PRKG1: variants seen among roughly 807,000 people sequenced by gnomAD.
PRKG1 encodes the protein cGMP-dependent protein kinase 1.
In PRKG1, 35 loss-of-function variants were observed where a neutral mutation model predicts 88.1. The observed-to-expected ratio is 0.40, with a 90% confidence interval of 0.30 to 0.53. The LOEUF (loss-of-function observed/expected upper bound fraction) is 0.53, where lower values mean the gene tolerates loss of function less well. Among genes scored for constraint, PRKG1 ranks in the 20% least tolerant of loss-of-function variants. The probability of loss-of-function intolerance (pLI) is 0.59; values close to 1 mark genes in which losing one functional copy is unlikely to be tolerated. For synonymous variants in PRKG1, 303 were observed against 292.5 expected (o/e 1.04, Z -0.37); for missense variants, 540 against 839.8 (o/e 0.64, Z 4.41).
intron 3 of PRKG1, among the ~76,000 whole-genome samples, chr10:51,495,319 G>T (rs376233953): frequency 5.3e-5 from 8 of 152,058 alleles, no homozygotes; most frequent in Non-Finnish European, 1.2e-4. Flanking sequence ...GGTCTTAGAC[G>T]CCTGACCTCA....
At chr10:51,607,658 C>T (rs1400609751) in intron 3 of PRKG1, among the ~76,000 whole-genome samples, 3 of 152,172 alleles carry the variant, frequency 2.0e-5, no homozygotes, top group Non-Finnish European at 4.4e-5. Context: ...AGTTGGATCC[C>T]TCCCCGCTGC....
intron 3 of PRKG1, among the ~76,000 whole-genome samples, chr10:51,637,057 T>C (rs1012254658): frequency 6.6e-6 from 1 of 152,122 alleles, no homozygotes; most frequent in Non-Finnish European, 1.5e-5. Context: ...TCTAAAAACC[T>C]TCTCCATAAA....
At chr10:51,773,623 A>T (rs2132549680) in intron 3 of PRKG1, among the ~76,000 whole-genome samples, 1 of 152,242 alleles carries the variant, frequency 6.6e-6, no homozygotes, top group Admixed American at 6.5e-5. Flanking sequence ...TATAAAATTT[A>T]GCCTCTTAAA....
At chr10:51,160,874 T>TTGTGTGTGTG (rs781290669) in intron 2 of PRKG1, among the ~76,000 whole-genome samples, 13 of 100,268 alleles carry the variant, frequency 1.3e-4, no homozygotes, top group Admixed American at 3.9e-4. Flanking sequence ...TTCTTCATGC[T>TTGTGTGTGTG]CGTGTGTGTG....
chr10:50,996,891 A>T (rs1842841700), intron 1 of PRKG1, among the ~76,000 whole-genome samples: 1 of 152,102 alleles, frequency 6.6e-6, no homozygotes, highest in African/African-American at 2.4e-5. Flanking sequence ...TATTTAATTT[A>T]CTCAGCTGAG....
intron 2 of PRKG1, among the ~76,000 whole-genome samples, chr10:51,173,369 T>C (rs551837038): frequency 7.9e-5 from 12 of 151,966 alleles, no homozygotes; most frequent in African/African-American, 2.2e-4. Context: ...ATAATATCAC[T>C]TGGACCATGT....
chr10:52,200,420 T>C (rs1839634883), intron 9 of PRKG1, among the ~76,000 whole-genome samples: 1 of 152,214 alleles, frequency 6.6e-6, no homozygotes. Flanking sequence ...TAATATTCCA[T>C]AGTGTATACA....
chr10:52,287,908 T>G (rs189195198), intron 14 of PRKG1, among the ~76,000 whole-genome samples: 1 of 151,980 alleles, frequency 6.6e-6, no homozygotes, highest in African/African-American at 2.4e-5. Flanking sequence ...CAAACTCTAC[T>G]CAACTCTGGG....
intron 2 of PRKG1, among the ~76,000 whole-genome samples, chr10:51,422,371 G>A (rs1410461052): frequency 6.6e-6 from 1 of 152,202 alleles, no homozygotes; most frequent in Non-Finnish European, 1.5e-5. Context: ...TTAGCATGAT[G>A]GGTAGTACAG....
intron 3 of PRKG1, among the ~76,000 whole-genome samples, chr10:51,670,159 C>A (rs1272210631): frequency 2.0e-5 from 3 of 151,956 alleles, no homozygotes; most frequent in Admixed American, 1.3e-4. Flanking sequence ...TGTTTCCAAG[C>A]CTATATTTTC....
intron 5 of PRKG1, among the ~76,000 whole-genome samples, chr10:52,022,242 AG>A (rs771234575): frequency 6.6e-6 from 1 of 152,214 alleles, no homozygotes; most frequent in Non-Finnish European, 1.5e-5. Flanking sequence ...GATGCTTGGT[AG>A]GTTAGGTGTA....
At chr10:51,390,222 T>C (rs1837361445) in intron 2 of PRKG1, among the ~76,000 whole-genome samples, 1 of 152,198 alleles carries the variant, frequency 6.6e-6, no homozygotes. Context: ...TGGCTTTATA[T>C]CTGAAATGAC....
At chr10:52,140,833 G>C (rs1837559863) in intron 8 of PRKG1, among the ~76,000 whole-genome samples, 1 of 151,972 alleles carries the variant, frequency 6.6e-6, no homozygotes, top group Non-Finnish European at 1.5e-5. Context: ...GCCCACCGAG[G>C]TCACCTGTAT....
chr10:51,240,717 G>C (rs978416484), intron 2 of PRKG1, among the ~76,000 whole-genome samples: 1 of 152,160 alleles, frequency 6.6e-6, no homozygotes, highest in Non-Finnish European at 1.5e-5. Context: ...ACCAAGAGGG[G>C]CCTCCTCTGT....
At chr10:51,556,607 C>A (rs12355689) in intron 3 of PRKG1, among the ~76,000 whole-genome samples, 50,424 of 151,846 alleles carry the variant, frequency 0.33, 9,330 homozygotes, top group Non-Finnish European at 0.43. Flanking sequence ...ATCCTAAGCA[C>A]ATTAATGCAA....
At chr10:51,699,451 C>T in intron 3 of PRKG1, 1 of 1,614,036 alleles carries the variant, frequency 6.2e-7, no homozygotes, top group East Asian at 2.2e-5. Flanking sequence ...AGAAAATGTC[C>T]TTTAACTGCT....
At chr10:51,074,991 C>T (rs1332160121) in intron 1 of PRKG1, 90 bp downstream of exon 1, 2 of 1,442,298 alleles carry the variant, frequency 1.4e-6, no homozygotes, top group African/African-American at 1.4e-5. Flanking sequence ...CCGCCCCTCC[C>T]GCTTGCCATG....
chr10:52,026,130 A>G (rs1258130370), intron 5 of PRKG1, among the ~76,000 whole-genome samples: 1 of 152,096 alleles, frequency 6.6e-6, no homozygotes, highest in African/African-American at 2.4e-5. Context: ...GAAAGCTAAA[A>G]GAGGGTGTTT....
At chr10:51,501,603 T>G (rs1409003248) in intron 3 of PRKG1, among the ~76,000 whole-genome samples, 1 of 152,156 alleles carries the variant, frequency 6.6e-6, no homozygotes, top group East Asian at 1.9e-4. Context: ...TTGTGCTGGC[T>G]CCTTGTCCAT....
Sources: gnomAD v4.1 joint callset for allele counts (sites outside exome capture counted in the v4.1 genomes callset) on GRCh38, gnomAD v4.1.1 for gene constraint, MANE v1.5 for transcripts, NCBI Gene and HGNC (gene_info 2026-07-23, HGNC 2026-07-21) for gene names.